Variants in STK31 observed in about 807,000 individuals in gnomAD.
STK31 encodes serine/threonine kinase 31.
In STK31, 89 loss-of-function variants were observed where a neutral mutation model predicts 129.7. That is an observed-to-expected ratio of 0.69 (90% CI 0.58 to 0.82). STK31 has a LOEUF of 0.82. Ranked by LOEUF, STK31 falls within the 40% of genes least tolerant of loss-of-function variation. STK31 has a pLI of 0.00. For missense variants in STK31, 1,187 were observed against 1,176.4 expected, an observed-to-expected ratio of 1.01 and a Z score of -0.13; for synonymous variants, 448 against 395.3, an observed-to-expected ratio of 1.13 and a Z score of -1.58.
chr7:23,807,329 G>A (rs921371784), intron 22 of STK31, among the ~76,000 whole-genome samples: 1 of 152,070 alleles, frequency 6.6e-6, no homozygotes, highest in Non-Finnish European at 1.5e-5. Flanking sequence ...ATAGAATTCT[G>A]GATTGGTAGT....
intron 20 of STK31, among the ~76,000 whole-genome samples, 197 bp from the exon 21 acceptor site, chr7:23,787,775 CACACACAA>C (rs1211278541): frequency 4.2e-5 from 6 of 143,754 alleles, no homozygotes; most frequent in African/African-American, 1.0e-4. Flanking sequence ...CACACACACA[CACACACAA>C]ACACACACAG....
intron 5 of STK31, among the ~76,000 whole-genome samples, chr7:23,728,542 A>G (rs1787220921): frequency 6.6e-6 from 1 of 152,178 alleles, no homozygotes; most frequent in Non-Finnish European, 1.5e-5. Context: ...AATTTTTTAA[A>G]TTAAAGGGCA....
intron 10 of STK31, among the ~76,000 whole-genome samples, chr7:23,757,490 T>A (rs1698178143): frequency 6.6e-6 from 1 of 152,120 alleles, no homozygotes. Flanking sequence ...CAAATGTCTC[T>A]GTGTCATAAA....
chr7:23,724,456 T>C (rs566231043), intron 4 of STK31, among the ~76,000 whole-genome samples: 132 of 152,304 alleles, frequency 8.7e-4, no homozygotes, highest in Non-Finnish European at 1.5e-3. Context: ...AAATTTAAAG[T>C]AGCGAGTTAG....
chr7:23,751,206 C>G (rs1788688449), intron 8 of STK31, among the ~76,000 whole-genome samples: 1 of 152,126 alleles, frequency 6.6e-6, no homozygotes, highest in South Asian at 2.1e-4. Flanking sequence ...GACAGGATTT[C>G]ATTCTTTTTT....
rs763816205 is a variant in STK31 at position 23,790,961 on chromosome 7, T to G, written c.2760+15T>G. On this transcript the variant is annotated intron_variant, in intron 22 of 23. Coordinates refer to ENST00000355870, the MANE Select transcript of STK31 (RefSeq NM_031414.5). ...TCTTATTATGGGTATGTTATTTTTTTGTTGAAATAGATCATATATATATAT... is the reference window on the plus strand; with the variant it reads ...TCTTATTATGGGTATGTTATTTTTTGGTTGAAATAGATCATATATATATAT... 46 of 1,534,528 alleles carry G rather than the reference T, an allele frequency of 3.0e-5. No individual in the cohort carries two copies. The highest frequency in any genetic ancestry group is 3.9e-5 in the Non-Finnish European group (45 of 1,147,320).
intron 5 of STK31, among the ~76,000 whole-genome samples, 197 bp from the exon 6 acceptor site, chr7:23,728,894 C>T (rs1787236783): frequency 6.6e-6 from 1 of 152,004 alleles, no homozygotes. Flanking sequence ...GTAAAGAAAT[C>T]ACTGTAATTT....
rs760239519 is a variant in STK31, at chr7:23,769,702, A to G, written c.1659A>G (p.Glu553=). 6.2e-7 allele frequency: 1 copy of G among 1,611,146 alleles called. No homozygotes were observed. Among genetic ancestry groups the G allele is most frequent in the Non-Finnish European group, 8.5e-7 (1 of 1,178,420 alleles). The change falls in exon 13 of 24, where the codon GAA becomes GAG. Residue 553 remains glutamate (E), a synonymous_variant. Transcript: ENST00000355870. ...ISEDAMDNID[E]ILEKTESSVC... Reference sequence around the variant, plus strand: ...AAGACGCAATGGATAATATTGATGAAATCCTAGAGAAGACTGAGTCAAGTG... The same window carrying G: ...AAGACGCAATGGATAATATTGATGAGATCCTAGAGAAGACTGAGTCAAGTG...
intron 18 of STK31, 72 bp downstream of exon 18, chr7:23,785,675 A>G (rs964813455): frequency 1.6e-5 from 24 of 1,521,498 alleles, no homozygotes; most frequent in Admixed American, 9.8e-5. Flanking sequence ...ACATTTCAAG[A>G]AAGAAAAAAC....
At position 23,735,743 on chromosome 7, in the gene STK31, A is replaced by G. The variant is rs1376940110; in HGVS notation, c.689A>G (p.Gln230Arg). ...GAGGAAAAAAAATTGGATCCTGGTC[A>G]ACTTGTTCTCAGGAACCTCAAAAGC... ...ICEEKKLDPG[Q>R]LVLRNLKSPI... The change falls in exon 7 of 24, where the codon CAA becomes CGA. Residue 230 changes from glutamine to arginine, a missense_variant. By Grantham distance (43) the Gln-to-Arg change is conservative. Around this residue, in one of 5 missense-constraint regions of STK31, gnomAD observed 975 missense variants for 934.9 expected, o/e 1.04. Transcript: ENST00000355870. 6.8e-6 allele frequency: 11 copies of G among 1,614,024 alleles called. No individual in the cohort carries two copies. In the South Asian group the frequency reaches 1.2e-4, roughly 18 times the overall value.
At chr7:23,829,162 C>T (rs1018584927) in intron 23 of STK31, among the ~76,000 whole-genome samples, 15 of 151,878 alleles carry the variant, frequency 9.9e-5, no homozygotes, top group African/African-American at 3.1e-4. Flanking sequence ...GTGCCCACCT[C>T]GGCCTCCCAA....
At chr7:23,826,121 G>A (rs147957908) in intron 23 of STK31, among the ~76,000 whole-genome samples, 3,430 of 152,162 alleles carry the variant, frequency 0.023, 54 homozygotes, top group Non-Finnish European at 0.034. Context: ...GGTCCTCTTG[G>A]TGCAGAGCTG....
intron 4 of STK31, among the ~76,000 whole-genome samples, chr7:23,720,826 T>C (rs1163165597): frequency 6.6e-6 from 1 of 152,186 alleles, no homozygotes; most frequent in African/African-American, 2.4e-5. Flanking sequence ...TACCCCGGAA[T>C]ATATGTACAG....
At chr7:23,788,959 A>C (rs184331109) in intron 21 of STK31, among the ~76,000 whole-genome samples, 1 of 152,262 alleles carries the variant, frequency 6.6e-6, no homozygotes, top group African/African-American at 2.4e-5. Context: ...GCAGTCACTC[A>C]AATTTCCCAC....
intron 9 of STK31, among the ~76,000 whole-genome samples, chr7:23,753,616 C>T (rs962456713): frequency 6.6e-6 from 1 of 152,312 alleles, no homozygotes. Context: ...AAGCCCACTA[C>T]GTTTGTTATT....
At chr7:23,742,096 A>T (rs949277130) in intron 8 of STK31, among the ~76,000 whole-genome samples, 62 of 152,156 alleles carry the variant, frequency 4.1e-4, no homozygotes, top group Non-Finnish European at 7.4e-4. Context: ...TGTGTGGGGT[A>T]GCCTGGTTTC....
intron 1 of STK31, 78 bp downstream of exon 1, chr7:23,710,413 T>G (rs1035959695): frequency 6.2e-7 from 1 of 1,606,968 alleles, no homozygotes; most frequent in Non-Finnish European, 8.5e-7. Context: ...GTTTTAAGTC[T>G]CCAATCCTGG....
chr7:23,713,786 T>G (rs1018942299), intron 3 of STK31, among the ~76,000 whole-genome samples: 1 of 152,082 alleles, frequency 6.6e-6, no homozygotes, highest in Non-Finnish European at 1.5e-5. Flanking sequence ...TTGGAATACC[T>G]TCAGAAGGAC....
At chr7:23,718,493 C>T (rs949627187) in intron 4 of STK31, among the ~76,000 whole-genome samples, 6 of 152,104 alleles carry the variant, frequency 3.9e-5, no homozygotes, top group Non-Finnish European at 7.4e-5. Flanking sequence ...GGCCCCTTCT[C>T]AGTCAATTCT....
Sources: allele counts gnomAD v4.1 joint callset (sites outside exome capture counted in the v4.1 genomes callset), GRCh38; gene constraint gnomAD v4.1.1; regional missense constraint gnomAD v4.1.1; transcripts MANE v1.5; gene names NCBI Gene and HGNC (gene_info 2026-07-23, HGNC 2026-07-21).